MLLT3: variants seen among roughly 807,000 people sequenced by gnomAD.
MLLT3 encodes protein AF-9.
In MLLT3, 4 loss-of-function variants were observed where a neutral mutation model predicts 53.2. The observed-to-expected ratio is 0.08, with a 90% CI of 0.04 to 0.17. The LOEUF (loss-of-function observed/expected upper bound fraction) is 0.17. MLLT3 is among the 10% of genes least tolerant of loss of function. The pLI is 1.00. For missense variants in MLLT3, 569 were observed against 684.0 expected (o/e 0.83, Z 1.87); for synonymous variants, 283 against 230.6 (o/e 1.23, Z -2.06).
chr9:20,509,468 C>T (rs1200506467), intron 2 of MLLT3, among the ~76,000 whole-genome samples: 2 of 152,184 alleles, frequency 1.3e-5, no homozygotes, highest in African/African-American at 4.8e-5. Flanking sequence ...GTCATTGAAA[C>T]ACCCAGGCAT....
chr9:20,453,657 T>C (rs1465186021), intron 3 of MLLT3, among the ~76,000 whole-genome samples: 1 of 152,208 alleles, frequency 6.6e-6, no homozygotes, highest in Non-Finnish European at 1.5e-5. Context: ...TTCCAACATA[T>C]GCTCTTATAC....
intron 2 of MLLT3, among the ~76,000 whole-genome samples, chr9:20,582,890 A>G (rs1016691775): frequency 2.0e-5 from 3 of 152,112 alleles, no homozygotes; most frequent in Non-Finnish European, 2.9e-5. Flanking sequence ...CAGTCAAACT[A>G]TATCATTCCA....
At chr9:20,447,211 C>G (rs1823727961) in intron 4 of MLLT3, among the ~76,000 whole-genome samples, 1 of 152,072 alleles carries the variant, frequency 6.6e-6, no homozygotes, top group African/African-American at 2.4e-5. Context: ...CTACAAAGCC[C>G]TCAGGTAGAG....
chr9:20,599,941 A>G (rs1820375005), intron 2 of MLLT3, among the ~76,000 whole-genome samples: 1 of 152,084 alleles, frequency 6.6e-6, no homozygotes, highest in African/African-American at 2.4e-5. Context: ...TTTTTCACCT[A>G]TATAATATTA....
At chr9:20,411,733 T>G (rs1304116322) in intron 5 of MLLT3, 1 of 152,196 alleles carries the variant, frequency 6.6e-6, no homozygotes, top group Non-Finnish European at 1.5e-5. Context: ...ACAAGAATTT[T>G]ATTAAAAGGA....
At position 20,345,169 on chromosome 9, in the gene MLLT3, C is replaced by T. The variant is rs139976271; in HGVS notation, c.*1274G>A. 860 of 226,004 alleles carry T rather than the reference C, an allele frequency of 3.8e-3. 10 individuals carry two copies. The highest frequency in any genetic ancestry group is 0.017 in the African/African-American group (771 of 45,072). The allele number at this position is 226,004 out of a possible 1,614,324, so 14.0% of individuals were successfully genotyped here. A position where few individuals can be genotyped will look rare whatever the true frequency, so the allele number is the denominator to read the frequency against. ...AACAAAAAAATCCCCCCATCCCCAA[C>T]CGTCTTTCACCAATACAAGAAATCC... On this transcript the variant is annotated 3_prime_UTR_variant, in exon 11 of 11. Coordinates refer to ENST00000380338, the MANE Select transcript of MLLT3 (RefSeq NM_004529.4).
At chr9:20,423,234 T>G (rs1823059736) in intron 4 of MLLT3, among the ~76,000 whole-genome samples, 1 of 152,128 alleles carries the variant, frequency 6.6e-6, no homozygotes, top group African/African-American at 2.4e-5. Context: ...TTTACACTTG[T>G]AAAGTCAGTG....
At chr9:20,367,502 CCA>C (rs756925022) in intron 5 of MLLT3, among the ~76,000 whole-genome samples, 1 of 152,142 alleles carries the variant, frequency 6.6e-6, no homozygotes, top group Admixed American at 6.5e-5. Flanking sequence ...CCACCTTCTG[CCA>C]CAGTTTTTTT....
chr9:20,535,045 T>C (rs1165858373), intron 2 of MLLT3, among the ~76,000 whole-genome samples: 2 of 152,162 alleles, frequency 1.3e-5, no homozygotes, highest in African/African-American at 4.8e-5. Context: ...GGTCCCCAAC[T>C]CCCAGGGCCT....
chr9:20,610,506 T>C (rs967173135), intron 2 of MLLT3, among the ~76,000 whole-genome samples: 4 of 152,126 alleles, frequency 2.6e-5, no homozygotes, highest in African/African-American at 9.7e-5. Flanking sequence ...GAAATCTGAG[T>C]AATAATTTAT....
intron 4 of MLLT3, among the ~76,000 whole-genome samples, chr9:20,446,738 C>A (rs544856844): frequency 6.6e-6 from 1 of 152,312 alleles, no homozygotes; most frequent in South Asian, 2.1e-4. Context: ...CAAAACTATA[C>A]TCCTGATAAC....
intron 3 of MLLT3, among the ~76,000 whole-genome samples, chr9:20,454,523 C>T (rs1369898371): frequency 6.6e-6 from 1 of 152,212 alleles, no homozygotes; most frequent in African/African-American, 2.4e-5. Flanking sequence ...GTCAAACTAA[C>T]TTTGCTGGTG....
intron 2 of MLLT3, among the ~76,000 whole-genome samples, chr9:20,536,502 A>C (rs1818489546): frequency 6.6e-6 from 1 of 152,194 alleles, no homozygotes; most frequent in African/African-American, 2.4e-5. Flanking sequence ...ACCAATATGC[A>C]ATGCTAGCCC....
chr9:20,500,771 T>C (rs943298554), intron 2 of MLLT3, among the ~76,000 whole-genome samples: 12 of 152,296 alleles, frequency 7.9e-5, no homozygotes, highest in Admixed American at 3.9e-4. Context: ...GTGTTCTGTG[T>C]TACAAAAACC....
intron 5 of MLLT3, among the ~76,000 whole-genome samples, chr9:20,390,328 A>T: frequency 6.6e-6 from 1 of 152,204 alleles, no homozygotes; most frequent in East Asian, 1.9e-4. Flanking sequence ...GTTACATAGA[A>T]TGAGATCTAC....
In MLLT3 at chr9:20,377,712, C is replaced by T. The variant is rs548039726; in HGVS notation, c.1126-11968G>A. On this transcript the variant is annotated intron_variant, in intron 5 of 10. Coordinates refer to ENST00000380338, the MANE Select transcript of MLLT3 (RefSeq NM_004529.4). ...TTTGGACTATCTTACAGAATTTTCCCGATTAAATGTGAAACCTGGATTTAC... is the reference window on the plus strand; with the variant it reads ...TTTGGACTATCTTACAGAATTTTCCTGATTAAATGTGAAACCTGGATTTAC... 2.6e-5 allele frequency among the ~76,000 whole-genome samples: 4 copies of T among 152,166 alleles called. No homozygotes were observed. In the East Asian group the frequency reaches 5.8e-4, roughly 22 times the overall value.
intron 2 of MLLT3, among the ~76,000 whole-genome samples, chr9:20,531,190 T>C (rs928994537): frequency 2.0e-5 from 3 of 149,462 alleles, no homozygotes; most frequent in Non-Finnish European, 4.4e-5. Context: ...GGCTGGAGTG[T>C]AATGGCGCGA....
rs114204312 is a variant in MLLT3 at position 20,521,208 on chromosome 9, C to T, written c.194-64422G>A. Among the ~76,000 whole-genome samples the T allele has an allele frequency of 4.7e-3, 716 of 152,086 alleles. 4 individuals carry two copies. The highest frequency in any genetic ancestry group is 0.015 in the African/African-American group (630 of 41,462). On this transcript the variant is annotated intron_variant, in intron 2 of 10. Transcript: ENST00000380338. ...GCCTCAGCCTCCCTAGCAGCTGGGA[C>T]TTCAGGTATGCACCATCGCATCCGG...
chr9:20,540,951 G>T (rs1818614379), intron 2 of MLLT3, among the ~76,000 whole-genome samples: 2 of 152,150 alleles, frequency 1.3e-5, no homozygotes, highest in Admixed American at 6.5e-5. Flanking sequence ...ACTGTATGCT[G>T]CTAGAAACAT....
Sources: allele counts gnomAD v4.1 joint callset (sites outside exome capture counted in the v4.1 genomes callset), GRCh38; gene constraint gnomAD v4.1.1; transcripts MANE v1.5; gene names NCBI Gene and HGNC (gene_info 2026-07-23, HGNC 2026-07-21).